Variants in PWWP2A observed in about 807,000 individuals in gnomAD.
PWWP2A encodes the protein PWWP domain containing 2A.
A neutral mutation model predicts 48.5 loss-of-function variants in PWWP2A; 18 were observed. That is an observed-to-expected ratio of 0.37 (90% CI 0.26 to 0.55). The LOEUF (loss-of-function observed/expected upper bound fraction) is 0.55, where lower values mean the gene tolerates loss of function less well. Ranked by LOEUF, PWWP2A falls within the 20% of genes least tolerant of loss-of-function variation. The pLI, the probability that PWWP2A is intolerant of heterozygous loss-of-function variation, is 0.81. For missense variants in PWWP2A, 867 were observed against 976.4 expected (o/e 0.89, Z 1.49); for synonymous variants, 396 against 387.7 (o/e 1.02, Z -0.25).
chr5:160,091,224 G>A (rs1478407809), downstream of PWWP2A: 1 of 970,534 alleles, frequency 1.0e-6, no homozygotes, highest in Non-Finnish European at 1.2e-6. Context: ...TTCCCTGATA[G>A]GGCAAATAGC....
chr5:160,054,060 G>A, the PWWP2A span, among the ~76,000 whole-genome samples: 2 of 152,106 alleles, frequency 1.3e-5, no homozygotes, highest in African/African-American at 4.8e-5. Flanking sequence ...AGCAGCTGGA[G>A]TGGGGGTTGG....
chr5:160,099,318 T>TTAAC (rs1756012967), intron 1 of PWWP2A, among the ~76,000 whole-genome samples: 1 of 152,172 alleles, frequency 6.6e-6, no homozygotes, highest in South Asian at 2.1e-4. Flanking sequence ...AAGGCATGTG[T>TTAAC]TAACGTATTA....
In PWWP2A at chr5:160,115,137, C is replaced by CAAAA. The variant is rs535110852; in HGVS notation, c.584+3664_584+3667dup. Among the ~76,000 whole-genome samples the CAAAA allele has an allele frequency of 6.8e-3, 598 of 88,318 alleles. 61 individuals are homozygous for CAAAA. The highest frequency in any genetic ancestry group is 0.019 in the African/African-American group (341 of 17,518). 57.9% of individuals were successfully genotyped at this position (88,318 alleles called of 152,430 possible). The stretch of plus-strand genomic sequence containing the variant: ...CCTGGGTAACAGAGGGAGACTCTGT[C>CAAAA]AAAAAAAAAAAAAAAAAAAAAAAAA... On this transcript the variant is annotated intron_variant, in intron 1 of 1. Coordinates refer to ENST00000307063, the MANE Select transcript of PWWP2A (RefSeq NM_001130864.2).
At chr5:160,073,397 T>G (rs2113446556), downstream of PWWP2A, among the ~76,000 whole-genome samples, 1 of 151,732 alleles carries the variant, frequency 6.6e-6, no homozygotes, top group South Asian at 2.1e-4. Context: ...CCCGGCTAAT[T>G]TTTGTATTTT....
chr5:160,058,499 C>T (rs1249154109), downstream of PWWP2A, among the ~76,000 whole-genome samples: 1 of 151,524 alleles, frequency 6.6e-6, no homozygotes, highest in Non-Finnish European at 1.5e-5. Flanking sequence ...CAAGCTCCGC[C>T]TCCTGGGTTC....
At chr5:160,049,855 A>ATCAC in the PWWP2A span, among the ~76,000 whole-genome samples, 1 of 151,904 alleles carries the variant, frequency 6.6e-6, no homozygotes, top group African/African-American at 2.4e-5. Context: ...AGGAGGAGAG[A>ATCAC]TCACTTGAGG....
intron 1 of PWWP2A, among the ~76,000 whole-genome samples, chr5:160,111,148 G>A (rs191332967): frequency 6.6e-5 from 10 of 152,108 alleles, no homozygotes; most frequent in Non-Finnish European, 8.8e-5. Flanking sequence ...GCAACATAGC[G>A]AGACCCAGTT....
chr5:160,069,340 G>A (rs1480618565), intron 2 of PWWP2A, among the ~76,000 whole-genome samples: 6 of 152,150 alleles, frequency 3.9e-5, no homozygotes, highest in African/African-American at 1.4e-4. Flanking sequence ...TGCAGTGGGA[G>A]ACAGAGACAA....
intron 1 of PWWP2A, among the ~76,000 whole-genome samples, chr5:160,099,603 G>A (rs527634243): frequency 2.0e-5 from 3 of 151,808 alleles, no homozygotes; most frequent in Non-Finnish European, 4.4e-5. Context: ...TTAGAGGTGT[G>A]AGCCACCACA....
At chr5:160,044,359 G>T in the PWWP2A span, among the ~76,000 whole-genome samples, 4 of 152,164 alleles carry the variant, frequency 2.6e-5, no homozygotes, top group Non-Finnish European at 5.9e-5. Flanking sequence ...AGAAACAAAA[G>T]AATGGCTACT....
At chr5:160,055,093 T>C in the PWWP2A span, among the ~76,000 whole-genome samples, 1 of 152,152 alleles carries the variant, frequency 6.6e-6, no homozygotes, top group Non-Finnish European at 1.5e-5. Flanking sequence ...GCAAGAGGTT[T>C]GTACTGGGAT....
At chr5:160,072,716 G>A (rs1273561581), downstream of PWWP2A, among the ~76,000 whole-genome samples, 2 of 151,712 alleles carry the variant, frequency 1.3e-5, no homozygotes, top group African/African-American at 2.4e-5. Context: ...GCAACAGAGC[G>A]AGACTCCGTC....
chr5:160,051,924 C>T, the PWWP2A span, among the ~76,000 whole-genome samples: 8 of 152,332 alleles, frequency 5.3e-5, no homozygotes, highest in Middle Eastern at 3.4e-3. Context: ...AAACTGCAAT[C>T]ATGTGGCCCT....
At chr5:160,089,656 AG>A, downstream of PWWP2A, 1 of 1,285,756 alleles carries the variant, frequency 7.8e-7, no homozygotes, top group Non-Finnish European at 1.0e-6. Flanking sequence ...TACATTTCTG[AG>A]AATTTCCAGA....
chr5:160,109,636 C>T (rs1446764709), intron 1 of PWWP2A, among the ~76,000 whole-genome samples: 3 of 150,740 alleles, frequency 2.0e-5, no homozygotes, highest in African/African-American at 7.3e-5. Context: ...TTTCTACTGA[C>T]CCAAAACAAG....
chr5:160,096,904 G>A (rs1397541937), intron 1 of PWWP2A, among the ~76,000 whole-genome samples: 1 of 152,142 alleles, frequency 6.6e-6, no homozygotes. Flanking sequence ...ATTTTTGCAT[G>A]TGTAAAATGA....
At chr5:160,066,295 C>CT (rs748083955) in intron 4 of PWWP2A, among the ~76,000 whole-genome samples, 3 of 57,988 alleles carry the variant, frequency 5.2e-5, no homozygotes, top group Admixed American at 1.7e-4. Flanking sequence ...AAGTGGTTCT[C>CT]ATTTTTTTTT....
At chr5:160,111,948 G>T (rs11953732) in intron 1 of PWWP2A, among the ~76,000 whole-genome samples, 1 of 151,684 alleles carries the variant, frequency 6.6e-6, no homozygotes, top group East Asian at 2.0e-4. Context: ...GCAACAAAGC[G>T]AAACCCTGTC....
chr5:160,093,021 C>T lies in PWWP2A; in HGVS notation c.1629G>A (p.Val543=), dbSNP rs1055493868. The stretch of plus-strand genomic sequence containing the variant: ...GTTCATCCTGATCACCAGGCACATG[C>T]ACTTCATTTGTGTCCTGAACCTCAC... The part of the protein sequence containing the change: ...ASSEVQDTNE[V]HVPGDQDEPQ... The change falls in exon 2 of 2, where the codon GTG becomes GTA. Residue 543 remains valine, a synonymous_variant. Transcript: ENST00000307063. This position sits in a 1 kb window ranked among gnomAD's most constrained non-coding sequence, Gnocchi z 5.8. The T allele has an allele frequency of 2.5e-6, 4 of 1,596,388 alleles. No homozygotes were observed. The highest frequency in any genetic ancestry group is 2.6e-6 in the Non-Finnish European group (3 of 1,171,152).
Sources: allele counts gnomAD v4.1 joint callset (sites outside exome capture counted in the v4.1 genomes callset), GRCh38; gene constraint gnomAD v4.1.1; non-coding constraint Gnocchi (gnomAD v3.1); transcripts MANE v1.5; gene names NCBI Gene and HGNC (gene_info 2026-07-23, HGNC 2026-07-21).